Variants in DOCK2 observed in about 807,000 individuals in gnomAD.
DOCK2 encodes dedicator of cytokinesis 2.
Under a neutral mutation model 248.9 loss-of-function variants are expected in DOCK2, and 87 were observed. The ratio of observed to expected loss-of-function variants is 0.35; its 90% CI spans 0.29 to 0.42. The LOEUF is 0.42. Among genes scored for constraint, DOCK2 ranks in the 10% least tolerant of loss-of-function variants. The pLI is 1.00. For missense variants in DOCK2, 1,747 were observed against 2,300.2 expected (o/e 0.76, Z 4.92); for synonymous variants, 805 against 821.6 (o/e 0.98, Z 0.35).
chr5:169,734,143 T>C (rs1028994692), intron 22 of DOCK2, among the ~76,000 whole-genome samples: 9 of 152,186 alleles, frequency 5.9e-5, no homozygotes, highest in African/African-American at 2.2e-4. Context: ...CCAAGTTCTC[T>C]CTTTAGCTTT....
At chr5:169,843,239 A>G (rs1390695188) in intron 27 of DOCK2, among the ~76,000 whole-genome samples, 2 of 152,206 alleles carry the variant, frequency 1.3e-5, no homozygotes, top group Non-Finnish European at 1.5e-5. Context: ...TTCCAGGTCC[A>G]GCACAAATGT....
intron 27 of DOCK2, among the ~76,000 whole-genome samples, chr5:169,887,269 G>C (rs1200060423): frequency 4.6e-5 from 7 of 152,204 alleles, no homozygotes; most frequent in Admixed American, 3.3e-4. Context: ...GTATCCTTTA[G>C]ATGTTTTCTT....
intron 27 of DOCK2, among the ~76,000 whole-genome samples, chr5:169,910,431 T>G (rs143894878): frequency 6.6e-6 from 1 of 152,294 alleles, no homozygotes; most frequent in East Asian, 1.9e-4. Context: ...TTGCTTACTC[T>G]CTTAACTTTT....
intron 27 of DOCK2, among the ~76,000 whole-genome samples, chr5:169,907,440 G>T (rs1209768649): frequency 6.6e-6 from 1 of 152,230 alleles, no homozygotes; most frequent in Admixed American, 6.5e-5. Flanking sequence ...GGCTCCTGCA[G>T]AGAAGCAGCT....
At chr5:169,786,799 G>A (rs1238643733) in intron 25 of DOCK2, among the ~76,000 whole-genome samples, 1 of 151,930 alleles carries the variant, frequency 6.6e-6, no homozygotes, top group Admixed American at 6.6e-5. Context: ...ACACACACAC[G>A]TATTTATATT....
chr5:170,027,470 T>C (rs941009606), intron 33 of DOCK2, among the ~76,000 whole-genome samples: 3 of 152,200 alleles, frequency 2.0e-5, no homozygotes, highest in Non-Finnish European at 4.4e-5. Flanking sequence ...TCTCCATGCC[T>C]GTGCACATGT....
intron 27 of DOCK2, among the ~76,000 whole-genome samples, chr5:169,929,330 A>ACT (rs981358341): frequency 6.6e-6 from 1 of 152,128 alleles, no homozygotes; most frequent in Admixed American, 6.5e-5. Flanking sequence ...CATGGGTAAG[A>ACT]CTCAGACAAA....
At chr5:169,910,515 T>C (rs1774534942) in intron 27 of DOCK2, among the ~76,000 whole-genome samples, 2 of 152,184 alleles carry the variant, frequency 1.3e-5, no homozygotes, top group South Asian at 4.1e-4. Context: ...GCCTGATTCA[T>C]AAAACATGAC....
At chr5:169,877,452 A>G (rs950620571) in intron 27 of DOCK2, among the ~76,000 whole-genome samples, 1 of 152,242 alleles carries the variant, frequency 6.6e-6, no homozygotes, top group South Asian at 2.1e-4. Context: ...AGTTGGAATC[A>G]GTAGCTTATT....
chr5:169,923,463 G>A (rs1039433971), intron 27 of DOCK2, among the ~76,000 whole-genome samples: 14 of 148,672 alleles, frequency 9.4e-5, no homozygotes, highest in Non-Finnish European at 2.1e-4. Flanking sequence ...CAGCACATGC[G>A]TGCGTGTGCA....
chr5:169,686,249 C>T (rs1410473531), intron 8 of DOCK2, among the ~76,000 whole-genome samples: 1 of 152,184 alleles, frequency 6.6e-6, no homozygotes, highest in Non-Finnish European at 1.5e-5. Flanking sequence ...TGACACACAG[C>T]AGATCTGAAA....
chr5:169,812,057 A>T (rs2113188374), intron 26 of DOCK2, among the ~76,000 whole-genome samples: 1 of 152,272 alleles, frequency 6.6e-6, no homozygotes, highest in South Asian at 2.1e-4. Flanking sequence ...AAGTCATCTA[A>T]CTTCCCAACC....
At chr5:169,904,879 G>T (rs1302751604) in intron 27 of DOCK2, among the ~76,000 whole-genome samples, 4 of 152,062 alleles carry the variant, frequency 2.6e-5, no homozygotes, top group African/African-American at 9.7e-5. Flanking sequence ...ACTGCTCCAC[G>T]GCTGGAGCAG....
At chr5:169,980,489 A>G (rs777851595) in intron 27 of DOCK2, 2 of 152,186 alleles carry the variant, frequency 1.3e-5, no homozygotes, top group Non-Finnish European at 2.9e-5. Flanking sequence ...ATGTGAAAAG[A>G]AAAGACCTCT....
At chr5:169,772,057 T>C (rs960570623) in intron 25 of DOCK2, among the ~76,000 whole-genome samples, 1 of 152,238 alleles carries the variant, frequency 6.6e-6, no homozygotes, top group African/African-American at 2.4e-5. Context: ...TGCTCTTTCC[T>C]ACAGGCTGTG....
rs1757084660 is a variant in DOCK2 at position 170,055,307 on chromosome 5, A to G, written c.4216A>G (p.Ile1406Val). ...GTCCTTAACTACAGGGATTCCAGAT[A>G]TCCAGTGCTTCACTGTCCAGCCTGT... ...DDVKNAPGQY[I>V]QCFTVQPVLD... The change falls in exon 42 of 52, where the codon ATC becomes GTC. Residue 1406 changes from isoleucine to valine, a missense_variant and splice_region_variant. Ile to Val is a conservative substitution (Grantham distance 29). This residue lies in a region of DOCK2 where 513 missense variants were observed against 586.1 expected (regional missense o/e 0.88). Transcript: ENST00000520908. 3 of 1,613,922 alleles carry G rather than the reference A, an allele frequency of 1.9e-6. No homozygotes were observed. The highest frequency in any genetic ancestry group is 2.7e-5 in the African/African-American group (2 of 74,934).
chr5:169,691,334 A>G (rs1760285241), intron 9 of DOCK2, among the ~76,000 whole-genome samples: 1 of 152,256 alleles, frequency 6.6e-6, no homozygotes, highest in Non-Finnish European at 1.5e-5. Context: ...ACATTTTAAC[A>G]TGAGATTTGG....
chr5:169,963,442 G>A (rs1331668437), intron 27 of DOCK2, among the ~76,000 whole-genome samples: 3 of 152,150 alleles, frequency 2.0e-5, no homozygotes, highest in Admixed American at 2.0e-4. Context: ...GCTTAGCAGT[G>A]CATTCATGGT....
intron 27 of DOCK2, among the ~76,000 whole-genome samples, chr5:169,964,795 G>A (rs1777234751): frequency 6.6e-6 from 1 of 152,216 alleles, no homozygotes; most frequent in Non-Finnish European, 1.5e-5. Flanking sequence ...TTTGTAAAAG[G>A]TGTATAATAA....
Sources: allele counts gnomAD v4.1 joint callset (sites outside exome capture counted in the v4.1 genomes callset), GRCh38; gene constraint gnomAD v4.1.1; regional missense constraint gnomAD v4.1.1; transcripts MANE v1.5; gene names NCBI Gene and HGNC (gene_info 2026-07-23, HGNC 2026-07-21).